DNAH12: variants seen among roughly 807,000 people sequenced by gnomAD.
DNAH12 encodes the protein dynein axonemal heavy chain 12.
DNAH12 carries 285 observed loss-of-function variants against 371.5 expected under a neutral mutation model. The observed-to-expected ratio is 0.77, with a 90% confidence interval of 0.70 to 0.85. The LOEUF is 0.85. Among genes scored for constraint, DNAH12 ranks in the 40% least tolerant of loss-of-function variants. The pLI is 0.00. For missense variants in DNAH12, 3,611 were observed against 3,689.4 expected, an observed-to-expected ratio of 0.98 and a Z score of 0.55; for synonymous variants, 1,200 against 1,213.0, an observed-to-expected ratio of 0.99 and a Z score of 0.22.
At chr3:57,326,234 A>T (rs9683383) in intron 62 of DNAH12, among the ~76,000 whole-genome samples, 2 of 151,312 alleles carry the variant, frequency 1.3e-5, no homozygotes, top group East Asian at 2.0e-4. Flanking sequence ...CCTCGAGAAG[A>T]GCAACTCCAA....
intron 34 of DNAH12, 57 bp from the exon 35 acceptor site, chr3:57,425,198 A>C (rs2064725560): frequency 4.5e-6 from 3 of 669,182 alleles, no homozygotes; most frequent in Admixed American, 4.9e-5. Context: ...GAAAATAAGA[A>C]AAACACTTTA....
intron 69 of DNAH12, among the ~76,000 whole-genome samples, chr3:57,302,476 T>C (rs1360781233): frequency 1.4e-5 from 2 of 143,066 alleles, no homozygotes; most frequent in African/African-American, 2.6e-5. Context: ...TTATTATATA[T>C]ACATAAATAT....
At chr3:57,300,152 G>A (rs550647434) in intron 70 of DNAH12, among the ~76,000 whole-genome samples, 1 of 152,264 alleles carries the variant, frequency 6.6e-6, no homozygotes, top group South Asian at 2.1e-4. Flanking sequence ...CCACTGCACT[G>A]TTTCAATGTA....
rs2064491864 is a variant in DNAH12, at chr3:57,419,353, G to A, written c.5714+14C>T. Reference sequence around the variant, plus strand: ...TTTACATTCAAAATGCTTGTTTATAGCAGAGTTCCTTACTTTGCATAGGTA... The same window carrying A: ...TTTACATTCAAAATGCTTGTTTATAACAGAGTTCCTTACTTTGCATAGGTA... On this transcript the variant is annotated intron_variant, in intron 37 of 73. Transcript: ENST00000495027. 3 of 1,482,490 alleles carry A rather than the reference G, an allele frequency of 2.0e-6. No individual in the cohort carries two copies. The highest frequency in any genetic ancestry group is 2.9e-5 in the Admixed American group (1 of 35,062). 91.8% of individuals were successfully genotyped at this position (1,482,490 alleles called of 1,614,324 possible).
chr3:57,306,971 A>G (rs1411928496), intron 69 of DNAH12, among the ~76,000 whole-genome samples: 2 of 152,112 alleles, frequency 1.3e-5, no homozygotes, highest in Admixed American at 6.5e-5. Context: ...CCTTCATCCC[A>G]GCCTCTCTTC....
chr3:57,545,970 CT>C (rs1250116441), upstream of DNAH12, among the ~76,000 whole-genome samples: 2 of 152,266 alleles, frequency 1.3e-5, no homozygotes, highest in Non-Finnish European at 2.9e-5. Context: ...CTCTACTTTC[CT>C]TTATTTGGAT....
intron 59 of DNAH12, among the ~76,000 whole-genome samples, chr3:57,354,864 C>T (rs1453800462): frequency 1.3e-5 from 2 of 152,036 alleles, no homozygotes; most frequent in Non-Finnish European, 2.9e-5. Context: ...GTAAAAAAAG[C>T]CAATCTCAAA....
At chr3:57,473,249 A>C (rs1352575926) in intron 13 of DNAH12, among the ~76,000 whole-genome samples, 1 of 152,054 alleles carries the variant, frequency 6.6e-6, no homozygotes, top group Non-Finnish European at 1.5e-5. Context: ...CACTTTGGGA[A>C]GCTGAGGCGG....
chr3:57,429,655 T>C, intron 33 of DNAH12, 36 bp downstream of exon 33: 1 of 1,497,840 alleles, frequency 6.7e-7, no homozygotes, highest in Admixed American at 2.5e-5. Flanking sequence ...AATGAAGAAA[T>C]GAACAAACCA....
intron 27 of DNAH12, among the ~76,000 whole-genome samples, chr3:57,445,824 T>C (rs1163739545): frequency 6.6e-6 from 1 of 151,926 alleles, no homozygotes; most frequent in African/African-American, 2.4e-5. Context: ...CCGTCTTTAC[T>C]AAAAATACAA....
the DNAH12 span, among the ~76,000 whole-genome samples, chr3:57,555,572 T>G: frequency 6.6e-6 from 1 of 152,152 alleles, no homozygotes; most frequent in Non-Finnish European, 1.5e-5. Context: ...CCGCAGTTTG[T>G]CAGTACTATT....
chr3:57,508,955 T>C (rs749964489), intron 6 of DNAH12, among the ~76,000 whole-genome samples, 185 bp downstream of exon 6: 4 of 152,206 alleles, frequency 2.6e-5, no homozygotes, highest in Non-Finnish European at 5.9e-5. Flanking sequence ...TCCCCAGTTA[T>C]GTATGCAGAA....
intron 2 of DNAH12, among the ~76,000 whole-genome samples, chr3:57,540,061 CTTT>C (rs201799417): frequency 2.0e-5 from 3 of 150,478 alleles, no homozygotes; most frequent in African/African-American, 7.3e-5. Flanking sequence ...TTTCTTTTTT[CTTT>C]TTTTTGAGAT....
At chr3:57,353,888 G>T (rs2062739012) in intron 59 of DNAH12, among the ~76,000 whole-genome samples, 2 of 152,198 alleles carry the variant, frequency 1.3e-5, no homozygotes, top group African/African-American at 2.4e-5. Context: ...AGAAGCTGGT[G>T]AAGTTGTGGA....
chr3:57,429,638 A>G, intron 33 of DNAH12, 53 bp downstream of exon 33: 1 of 1,469,542 alleles, frequency 6.8e-7, no homozygotes. Context: ...TATTGGCTAA[A>G]TTAAAGAATG....
intron 12 of DNAH12, among the ~76,000 whole-genome samples, chr3:57,485,468 G>A (rs977084032): frequency 9.2e-5 from 14 of 151,746 alleles, no homozygotes; most frequent in Admixed American, 3.3e-4. Context: ...GAGTGTAGTG[G>A]TGCAATACAC....
At chr3:57,369,228 A>AATAT (rs1189250482) in intron 55 of DNAH12, among the ~76,000 whole-genome samples, 34 of 131,710 alleles carry the variant, frequency 2.6e-4, no homozygotes, top group African/African-American at 7.0e-4. Context: ...TTAAAAAAAA[A>AATAT]ATATATATAT....
rs1480124329 is a variant in DNAH12 at position 57,521,153 on chromosome 3, T to C, written c.279+2430A>G. Among the ~76,000 whole-genome samples, 4 of 151,654 alleles carry C rather than the reference T, an allele frequency of 2.6e-5. No homozygotes were observed. The East Asian group carries it at 7.7e-4, about 29-fold the overall frequency. ...CTAAGAACTCTTTGCCTAGGCTAGA[T>C]TTTTCTAAAAGTTTTATAGTTTATG... On this transcript the variant is annotated intron_variant, in intron 4 of 73. Transcript: ENST00000495027.
At chr3:57,449,625 G>A (rs1441508108) in intron 25 of DNAH12, among the ~76,000 whole-genome samples, 2 of 152,220 alleles carry the variant, frequency 1.3e-5, no homozygotes, top group Admixed American at 1.3e-4. Flanking sequence ...CGGCAGGGCT[G>A]GCCGGCTGCT....
Sources: allele counts gnomAD v4.1 joint callset (sites outside exome capture counted in the v4.1 genomes callset), GRCh38; gene constraint gnomAD v4.1.1; transcripts MANE v1.5; gene names NCBI Gene and HGNC (gene_info 2026-07-23, HGNC 2026-07-21).